GJC2: variants seen among roughly 807,000 people sequenced by gnomAD.
GJC2 encodes the protein gap junction protein gamma 2.
For missense variants in GJC2, 647 were observed against 648.9 expected (o/e 1.00, Z 0.03); for synonymous variants, 336 against 307.5 (o/e 1.09, Z -0.97).
chr1:228,156,646 C>A (rs527707762), intron 1 of GJC2, among the ~76,000 whole-genome samples: 1 of 152,252 alleles, frequency 6.6e-6, no homozygotes, highest in African/African-American at 2.4e-5. Flanking sequence ...TGGTCCCACA[C>A]CTGCCGCTGC....
In GJC2 at chr1:228,152,006, A is replaced by T. The variant is rs1281322026; in HGVS notation, c.-20+1999A>T. The stretch of plus-strand genomic sequence containing the variant: ...GGTGAGGAGAAATTGAGGCCTGAGG[A>T]TGGGTGAGTGCTGTAGCCCCCTCTG... On this transcript the variant is annotated intron_variant, in intron 1 of 1. Transcript: ENST00000366714. This position sits in a 1 kb window ranked among gnomAD's most constrained non-coding sequence, Gnocchi z 7.3. Among the ~76,000 whole-genome samples the T allele has an allele frequency of 6.6e-6, 1 of 151,948 alleles. No individual in the cohort carries two copies. Among genetic ancestry groups the T allele is most frequent in the African/African-American group, 2.4e-5 (1 of 41,354 alleles).
Position 228,151,772 on chromosome 1 carries a change from C to T in GJC2, c.-20+1765C>T, listed in dbSNP as rs2034619482. 6.6e-6 allele frequency among the ~76,000 whole-genome samples: 1 copy of T among 152,084 alleles called. No individual in the cohort carries two copies. The highest frequency in any genetic ancestry group is 2.4e-5 in the African/African-American group (1 of 41,410). ...AGGGTTCCAGGCCTCGGGCTTGGGT[C>T]CTAGGTGGCTGAGCTCTGCACCTCC... is the stretch of plus-strand genomic sequence containing the variant. On this transcript the variant is annotated intron_variant, in intron 1 of 1. Transcript: ENST00000366714. This position sits in a 1 kb window ranked among gnomAD's most constrained non-coding sequence, Gnocchi z 5.4.
Position 228,157,741 on chromosome 1 carries a change from A to AGCACCCCCC in GJC2, c.-18_-17insGCACCCCCC. On this transcript the variant is annotated splice_region_variant and 5_prime_UTR_variant, in exon 2 of 2. Transcript: ENST00000366714. Reference sequence around the variant, plus strand: ...GCTGACCCCTACCCCGCCCCACAGGACCCGCCCGCCCGCCCCTATGACCAA... The same window carrying AGCACCCCCC: ...GCTGACCCCTACCCCGCCCCACAGGAGCACCCCCCCCCGCCCGCCCGCCCCTATGACCAA... 2.8e-6 allele frequency: 1 copy of AGCACCCCCC among 354,470 alleles called. No homozygotes were observed. The highest frequency in any genetic ancestry group is 1.9e-5 in the South Asian group (1 of 52,106). 22.0% of individuals were successfully genotyped at this position (354,470 alleles called of 1,614,324 possible).
chr1:228,155,633 T>TG (rs770739269), intron 1 of GJC2, among the ~76,000 whole-genome samples: 22 of 146,248 alleles, frequency 1.5e-4, no homozygotes, highest in Non-Finnish European at 2.7e-4. Context: ...CCCATAGGCG[T>TG]GGCCCTGAGA....
At position 228,150,216 on chromosome 1, in the gene GJC2, T is replaced by C. The variant is rs899950821; in HGVS notation, c.-20+209T>C. Among the ~76,000 whole-genome samples, 4 of 152,134 alleles carry C rather than the reference T, an allele frequency of 2.6e-5. No individual in the cohort carries two copies. The highest frequency in any genetic ancestry group is 5.9e-5 in the Non-Finnish European group (4 of 67,994). ...ATGGTGGGGTGGCCCCCCCACTCCA[T>C]GTCTGTGTCCTTCAGGCCCAGCTGC... is the stretch of plus-strand genomic sequence containing the variant. On this transcript the variant is annotated intron_variant, in intron 1 of 1. Transcript: ENST00000366714. The surrounding 1 kb of genome is among the most constrained non-coding windows in gnomAD (Gnocchi z 4.6).
rs1437712143 is a variant in GJC2 at position 228,157,884 on chromosome 1, C to T, written c.126C>T (p.Gly42=). 33 of 1,612,242 alleles carry T rather than the reference C, an allele frequency of 2.0e-5. No homozygotes were observed. The highest frequency in any genetic ancestry group is 2.6e-5 in the Non-Finnish European group (31 of 1,179,706). ...VVFRIVLTAV[G]GEAIYSDEQA... is the part of the protein sequence containing the mutation. ...TCCGCATCGTGCTGACGGCTGTGGG[C>T]GGCGAGGCCATCTACTCGGACGAGC... is the stretch of plus-strand genomic sequence containing the variant. The change falls in exon 2 of 2, where the codon GGC becomes GGT. Residue 42 remains glycine, a synonymous_variant. Coordinates refer to ENST00000366714, the MANE Select transcript of GJC2 (RefSeq NM_020435.4).
chr1:228,155,307 G>A (rs991373270), intron 1 of GJC2, among the ~76,000 whole-genome samples: 30 of 152,342 alleles, frequency 2.0e-4, no homozygotes, highest in African/African-American at 7.2e-4. Flanking sequence ...TGGAATGGGG[G>A]CAGGGGACCT....
rs373522338 is a variant in GJC2, at chr1:228,158,009, T to C, written c.251T>C (p.Ile84Thr). 13 of 1,611,772 alleles carry C rather than the reference T, an allele frequency of 8.1e-6. No homozygotes were observed. Among genetic ancestry groups the C allele is most frequent in the East Asian group, 2.2e-5 (1 of 44,864 alleles). ...LSHVRFWVFQ[I>T]VVISTPSVMY... ...CACGTGCGCTTCTGGGTCTTCCAGATTGTGGTCATCTCCACGCCCTCGGTC... is the reference window on the plus strand; with the variant it reads ...CACGTGCGCTTCTGGGTCTTCCAGACTGTGGTCATCTCCACGCCCTCGGTC... The change falls in exon 2 of 2, where the codon ATT (isoleucine) becomes ACT (threonine). Residue 84 changes from isoleucine (I) to threonine (T), a missense_variant. By Grantham distance (89) the Ile-to-Thr change is moderately conservative. Coordinates refer to ENST00000366714, the MANE Select transcript of GJC2 (RefSeq NM_020435.4). This position sits in a 1 kb window ranked among gnomAD's most constrained non-coding sequence, Gnocchi z 8.3.
chr1:228,151,969 G>A lies in GJC2; in HGVS notation c.-20+1962G>A, dbSNP rs1007955640. Among the ~76,000 whole-genome samples, 5 of 152,140 alleles carry A rather than the reference G, an allele frequency of 3.3e-5. No homozygotes were observed. Among genetic ancestry groups the A allele is most frequent in the Non-Finnish European group, 5.9e-5 (4 of 68,008 alleles). On this transcript the variant is annotated intron_variant, in intron 1 of 1. Transcript: ENST00000366714. The surrounding 1 kb of genome is among the most constrained non-coding windows in gnomAD (Gnocchi z 5.4). ...TCTGGGCATCAGGGTAGGGGGCTAC[G>A]GCCTGTCAGCGGGTGAGGAGAAATT...
chr1:228,150,718 C>T lies in GJC2; in HGVS notation c.-20+711C>T, dbSNP rs1460510055. On this transcript the variant is annotated intron_variant, in intron 1 of 1. Transcript: ENST00000366714. This position sits in a 1 kb window ranked among gnomAD's most constrained non-coding sequence, Gnocchi z 4.6. Reference sequence around the variant, plus strand: ...GGCGGAGCACCCCAGGGCTGCTGCGCAGGGAGGCCACAGCCCAGGCGCGGG... The same window carrying T: ...GGCGGAGCACCCCAGGGCTGCTGCGTAGGGAGGCCACAGCCCAGGCGCGGG... Among the ~76,000 whole-genome samples the T allele has an allele frequency of 6.6e-6, 1 of 152,066 alleles. No individual in the cohort carries two copies. The highest frequency in any genetic ancestry group is 1.9e-4 in the East Asian group (1 of 5,164).
chr1:228,154,015 T>C (rs917472728), intron 1 of GJC2, among the ~76,000 whole-genome samples: 2 of 152,200 alleles, frequency 1.3e-5, no homozygotes, highest in African/African-American at 4.8e-5. Flanking sequence ...GCTGTGAGGA[T>C]AGTGCAGAGT....
rs543481065 is a variant in GJC2 at position 228,158,131 on chromosome 1, C to G, written c.373C>G (p.Arg125Gly). ...RRRPGPRRAP[R>G]AHLPPPHAGW... ...CCGCCCGGGGCCACGCCGCGCGCCC[C>G]GAGCGCACCTGCCGCCCCCGCACGC... is the stretch of plus-strand genomic sequence containing the variant. Residue 125 changes from arginine to glycine, a missense_variant, in exon 2 of 2, where the codon CGA (arginine) becomes GGA (glycine). Arg to Gly is a moderately radical substitution (Grantham distance 125). Transcript: ENST00000366714. This position sits in a 1 kb window ranked among gnomAD's most constrained non-coding sequence, Gnocchi z 8.3. 5.6e-6 allele frequency: 7 copies of G among 1,254,048 alleles called. No homozygotes were observed. The highest frequency in any genetic ancestry group is 2.3e-5 in the South Asian group (1 of 43,624). 77.7% of individuals were successfully genotyped at this position (1,254,048 alleles called of 1,614,324 possible).
intron 1 of GJC2, among the ~76,000 whole-genome samples, chr1:228,154,242 G>A (rs1034054266): frequency 6.6e-6 from 1 of 152,072 alleles, no homozygotes; most frequent in South Asian, 2.1e-4. Context: ...TCTTGGTTTC[G>A]GCAGCCTCCT....
chr1:228,155,657 T>TCTTCCAGACCATTCCCAGGAC (rs146531679), intron 1 of GJC2, among the ~76,000 whole-genome samples: 8,711 of 152,050 alleles, frequency 0.057, 362 homozygotes, highest in Non-Finnish European at 0.09. Context: ...GGACCCAGGT[T>TCTTCCAGACCATTCCCAGGAC]CTTCCAGACC....
rs2034619581 is a variant in GJC2, at chr1:228,151,775, A to G, written c.-20+1768A>G. ...GTTCCAGGCCTCGGGCTTGGGTCCT[A>G]GGTGGCTGAGCTCTGCACCTCCCTC... is the stretch of plus-strand genomic sequence containing the variant. On this transcript the variant is annotated intron_variant, in intron 1 of 1. Coordinates refer to ENST00000366714, the MANE Select transcript of GJC2 (RefSeq NM_020435.4). This position sits in a 1 kb window ranked among gnomAD's most constrained non-coding sequence, Gnocchi z 5.4. Among the ~76,000 whole-genome samples the G allele has an allele frequency of 6.6e-6, 1 of 152,092 alleles. No homozygotes were observed. Among genetic ancestry groups the G allele is most frequent in the Admixed American group, 6.5e-5 (1 of 15,284 alleles).
rs577811454 is a variant in GJC2, at chr1:228,157,700, TAAGTGCAGGCCCCTGGC to T, written c.-19-39_-19-23del. 4.5e-4 allele frequency: 589 copies of T among 1,296,562 alleles called. 6 individuals are homozygous for T. In the African/African-American group the frequency reaches 8.1e-3, roughly 18 times the overall value. 80.3% of individuals were successfully genotyped at this position (1,296,562 alleles called of 1,614,324 possible). On this transcript the variant is annotated intron_variant, in intron 1 of 1. Coordinates refer to ENST00000366714, the MANE Select transcript of GJC2 (RefSeq NM_020435.4). ...CCCGGCTCTGAGCGCCGCGGGCTCC[TAAGTGCAGGCCCCTGGC>T]TGACCCCTACCCCGCCCCACAGGAC...
rs1341305037 is a variant in GJC2 at position 228,158,910 on chromosome 1, C to T, written c.1152C>T (p.Pro384=). Residue 384 remains proline, a synonymous_variant, in exon 2 of 2, where the codon CCC becomes CCT. Transcript: ENST00000366714. This position sits in a 1 kb window ranked among gnomAD's most constrained non-coding sequence, Gnocchi z 8.3. ...CVGLPAASRG[P]PRAGAPASRT... is the part of the protein sequence containing the mutation. The stretch of plus-strand genomic sequence containing the variant: ...GCCTCCCTGCGGCCTCCCGGGGGCC[C>T]CCCAGAGCAGGCGCCCCCGCGTCCC... The T allele has an allele frequency of 4.0e-6, 6 of 1,504,670 alleles. No individual in the cohort carries two copies. Among genetic ancestry groups the T allele is most frequent in the Non-Finnish European group, 5.3e-6 (6 of 1,133,826 alleles). The allele number at this position is 1,504,670 out of a possible 1,614,324, so 93.2% of individuals were successfully genotyped here.
rs1236703228 is a variant in GJC2 at position 228,159,633 on chromosome 1, G to A, written c.*555G>A. ...CGATGCCGGCCTTCCGTTCCTCTGG[G>A]AGGCTTGAAGTTCTGCAAAGATGTT... On this transcript the variant is annotated 3_prime_UTR_variant, in exon 2 of 2. Coordinates refer to ENST00000366714, the MANE Select transcript of GJC2 (RefSeq NM_020435.4). This position sits in a 1 kb window ranked among gnomAD's most constrained non-coding sequence, Gnocchi z 4.0. 2 of 169,796 alleles carry A rather than the reference G, an allele frequency of 1.2e-5. No homozygotes were observed. The highest frequency in any genetic ancestry group is 2.9e-5 in the Non-Finnish European group (2 of 69,688). The allele number at this position is 169,796 out of a possible 1,614,324, so 10.5% of individuals were successfully genotyped here.
At chr1:228,155,972 T>TC (rs2034673324) in intron 1 of GJC2, among the ~76,000 whole-genome samples, 1 of 152,174 alleles carries the variant, frequency 6.6e-6, no homozygotes, top group Non-Finnish European at 1.5e-5. Context: ...GCCCCATCTC[T>TC]CCCTTGAGCC....
Sources: allele counts gnomAD v4.1 joint callset (sites outside exome capture counted in the v4.1 genomes callset), GRCh38; gene constraint gnomAD v4.1.1; non-coding constraint Gnocchi (gnomAD v3.1); transcripts MANE v1.5; gene names NCBI Gene and HGNC (gene_info 2026-07-23, HGNC 2026-07-21).